GXYLT2: variants seen among roughly 807,000 people sequenced by gnomAD.
GXYLT2 encodes glycosyltransferase 8 domain containing 4.
Under a neutral mutation model 45.8 loss-of-function variants are expected in GXYLT2, and 53 were observed. The observed-to-expected ratio is 1.16, with a 90% confidence interval of 0.93 to 1.46. The LOEUF (loss-of-function observed/expected upper bound fraction) is 1.46. Ranked by LOEUF, GXYLT2 falls within the 40% of genes most tolerant of loss-of-function variation. The pLI, the probability that GXYLT2 is intolerant of heterozygous loss-of-function variation, is 0.00. For missense variants in GXYLT2, 551 were observed against 544.4 expected (o/e 1.01, Z -0.12); for synonymous variants, 219 against 214.2 (o/e 1.02, Z -0.19).
chr3:72,911,962 T>G (rs1709632832), intron 2 of GXYLT2, among the ~76,000 whole-genome samples: 2 of 145,718 alleles, frequency 1.4e-5, no homozygotes, highest in South Asian at 4.3e-4. Flanking sequence ...GTTGGGTGTG[T>G]GTGTGTGTGT....
At chr3:72,899,671 C>T (rs982645435) in intron 1 of GXYLT2, among the ~76,000 whole-genome samples, 5 of 152,080 alleles carry the variant, frequency 3.3e-5, no homozygotes, top group African/African-American at 1.2e-4. Flanking sequence ...AATTATCCAT[C>T]GCCGGACTCT....
At chr3:72,942,041 A>C (rs1559742775) in intron 3 of GXYLT2, among the ~76,000 whole-genome samples, 1 of 152,166 alleles carries the variant, frequency 6.6e-6, no homozygotes, top group Non-Finnish European at 1.5e-5. Flanking sequence ...AGTTAACCTT[A>C]TGGTGCCAGA....
At position 72,908,196 on chromosome 3, in the gene GXYLT2, G is replaced by T. The variant is rs565511986; in HGVS notation, c.276-171G>T. 303 of 581,224 alleles carry T rather than the reference G, an allele frequency of 5.2e-4. 1 individual carries two copies. The East Asian group carries it at 8.5e-3, about 16-fold the overall frequency. 36.0% of individuals were successfully genotyped at this position (581,224 alleles called of 1,614,324 possible). Reference sequence around the variant, plus strand: ...TGCCAGGATAAATATGGGAATAAATGGTATTTTTCTCTAAGCAGGAAGAAT... The same window carrying T: ...TGCCAGGATAAATATGGGAATAAATTGTATTTTTCTCTAAGCAGGAAGAAT... On this transcript the variant is annotated intron_variant, in intron 1 of 6. Transcript: ENST00000389617.
chr3:72,964,365 C>T (rs1431752294), intron 5 of GXYLT2, among the ~76,000 whole-genome samples: 1 of 151,446 alleles, frequency 6.6e-6, no homozygotes, highest in Non-Finnish European at 1.5e-5. Context: ...CTTTGTCGTT[C>T]GGGCTGGAGT....
At chr3:72,969,213 A>C (rs1299448611) in intron 6 of GXYLT2, among the ~76,000 whole-genome samples, 1 of 151,802 alleles carries the variant, frequency 6.6e-6, no homozygotes, top group Non-Finnish European at 1.5e-5. Context: ...AGAAAACTAC[A>C]ACATAGTAAG....
intron 6 of GXYLT2, among the ~76,000 whole-genome samples, chr3:72,973,823 A>C (rs1446722706): frequency 2.6e-5 from 4 of 152,194 alleles, no homozygotes; most frequent in East Asian, 1.9e-4. Flanking sequence ...ACTGGCTTCA[A>C]GGGGTTTATC....
rs1174758376 is a variant in GXYLT2, at chr3:72,975,369, G to A, written c.*210G>A. The A allele has an allele frequency of 7.3e-4, 241 of 329,940 alleles. No individual in the cohort carries two copies. The highest frequency in any genetic ancestry group is 3.1e-3 in the African/African-American group (140 of 44,888). The allele number at this position is 329,940 out of a possible 1,614,324, so 20.4% of individuals were successfully genotyped here. On this transcript the variant is annotated 3_prime_UTR_variant, in exon 7 of 7. Transcript: ENST00000389617. ...TTCTAAAATGCTATTTATCTCTAAGGAAAAAAAAAAAAGACTATTACTCAT... is the reference window on the plus strand; with the variant it reads ...TTCTAAAATGCTATTTATCTCTAAGAAAAAAAAAAAAAGACTATTACTCAT...
intron 3 of GXYLT2, among the ~76,000 whole-genome samples, chr3:72,925,898 G>C (rs1037124665): frequency 6.6e-6 from 1 of 152,154 alleles, no homozygotes; most frequent in African/African-American, 2.4e-5. Flanking sequence ...AAATAATAAA[G>C]AGAGATTGTG....
At chr3:72,945,801 G>A (rs1710391951) in intron 3 of GXYLT2, among the ~76,000 whole-genome samples, 2 of 152,120 alleles carry the variant, frequency 1.3e-5, no homozygotes, top group African/African-American at 4.8e-5. Context: ...CGCAGTGACT[G>A]CTAATTCACC....
At chr3:72,942,353 G>A (rs1333489214) in intron 3 of GXYLT2, among the ~76,000 whole-genome samples, 1 of 151,998 alleles carries the variant, frequency 6.6e-6, no homozygotes, top group Non-Finnish European at 1.5e-5. Context: ...GTTAATACAT[G>A]TAGAAAGAAG....
At chr3:72,906,821 G>A (rs762134066) in intron 1 of GXYLT2, among the ~76,000 whole-genome samples, 7 of 152,198 alleles carry the variant, frequency 4.6e-5, no homozygotes, top group Non-Finnish European at 8.8e-5. Context: ...ATGAATGGCC[G>A]TCTCTCCAGG....
At chr3:72,902,369 A>G (rs749739407) in intron 1 of GXYLT2, among the ~76,000 whole-genome samples, 4 of 151,206 alleles carry the variant, frequency 2.6e-5, no homozygotes, top group Non-Finnish European at 5.9e-5. Flanking sequence ...ACTTTATATC[A>G]GAAAGCCAGA....
chr3:72,952,078 C>T (rs1710539452), intron 3 of GXYLT2, among the ~76,000 whole-genome samples: 1 of 151,032 alleles, frequency 6.6e-6, no homozygotes, highest in African/African-American at 2.4e-5. Flanking sequence ...TTTCGGCTCA[C>T]TGCAACGCTC....
chr3:72,919,551 T>C (rs1479626708), intron 2 of GXYLT2, among the ~76,000 whole-genome samples: 1 of 152,142 alleles, frequency 6.6e-6, no homozygotes, highest in Admixed American at 6.5e-5. Flanking sequence ...GGTCGGGAGT[T>C]TGAGACCAGC....
At chr3:72,904,816 G>A (rs1052980358) in intron 1 of GXYLT2, among the ~76,000 whole-genome samples, 5 of 150,428 alleles carry the variant, frequency 3.3e-5, no homozygotes, top group Admixed American at 6.6e-5. Flanking sequence ...CAAGGTGGGC[G>A]GATCACTTGA....
intron 6 of GXYLT2, among the ~76,000 whole-genome samples, chr3:72,968,110 A>C (rs1307911345): frequency 6.6e-6 from 1 of 152,150 alleles, no homozygotes; most frequent in African/African-American, 2.4e-5. Flanking sequence ...AGTAGCTGGG[A>C]CTACAGACAC....
At chr3:72,972,395 C>A (rs533208391) in intron 6 of GXYLT2, among the ~76,000 whole-genome samples, 2 of 152,156 alleles carry the variant, frequency 1.3e-5, no homozygotes, top group African/African-American at 2.4e-5. Flanking sequence ...CCTCCCAGCA[C>A]TTTGGGAGAC....
At chr3:72,908,114 C>G (rs1709544418) in intron 1 of GXYLT2, 2 of 363,370 alleles carry the variant, frequency 5.5e-6, no homozygotes, top group Non-Finnish European at 5.0e-6. Flanking sequence ...CAGCTGAGTG[C>G]TGGCAGAAAA....
chr3:72,959,920 C>T (rs1431024861), intron 5 of GXYLT2, among the ~76,000 whole-genome samples: 1 of 151,464 alleles, frequency 6.6e-6, no homozygotes, highest in Non-Finnish European at 1.5e-5. Context: ...CAGGCATGAG[C>T]CACCATGACC....
Sources: allele counts gnomAD v4.1 joint callset (sites outside exome capture counted in the v4.1 genomes callset), GRCh38; gene constraint gnomAD v4.1.1; transcripts MANE v1.5; gene names NCBI Gene and HGNC (gene_info 2026-07-23, HGNC 2026-07-21).